Variants in UCHL1 observed in about 807,000 individuals in gnomAD.
UCHL1 encodes ubiquitin carboxyl-terminal hydrolase isozyme L1.
Under a neutral mutation model 33.3 loss-of-function variants are expected in UCHL1, and 5 were observed. The ratio of observed to expected loss-of-function variants is 0.15; its 90% CI spans 0.08 to 0.32. The LOEUF is 0.32. Ranked by LOEUF, UCHL1 falls within the 10% of genes least tolerant of loss-of-function variation. UCHL1 has a pLI of 1.00. For synonymous variants in UCHL1, 132 were observed against 108.8 expected (o/e 1.21, Z -1.33); for missense variants, 236 against 280.0 (o/e 0.84, Z 1.12).
rs978384625 is a variant in UCHL1, at chr4:41,267,919, C to G, written c.586-68C>G. The stretch of plus-strand genomic sequence containing the variant: ...CTTTGAGCATTAATAGACCTTGGAG[C>G]CTTTCCCTATGTGACTTTCATTTTG... On this transcript the variant is annotated intron_variant, in intron 8 of 8. Coordinates refer to ENST00000284440, the MANE Select transcript of UCHL1 (RefSeq NM_004181.5). The G allele has an allele frequency of 6.5e-6, 9 of 1,384,188 alleles. No homozygotes were observed. The African/African-American group carries it at 1.3e-4, about 20-fold the overall frequency. 85.7% of individuals were successfully genotyped at this position (1,384,188 alleles called of 1,614,324 possible). A position where few individuals can be genotyped will look rare whatever the true frequency, so the allele number is the denominator to read the frequency against.
rs201864413 is a variant in UCHL1 at position 41,256,992 on chromosome 4, A to G, written c.16A>G (p.Met6Val). 1.2e-6 allele frequency: 2 copies of G among 1,614,182 alleles called. No homozygotes were observed. The highest frequency in any genetic ancestry group is 2.2e-5 in the East Asian group (1 of 44,884). The change falls in exon 1 of 9, where the codon ATG becomes GTG. Residue 6 changes from methionine (M) to valine (V), a missense_variant. Coordinates refer to ENST00000284440, the MANE Select transcript of UCHL1 (RefSeq NM_004181.5). Reference protein sequence around the residue: MQLKPMEINPEMLNKV... With the variant: MQLKPVEINPEMLNKV... ...CTCCGCGAAGATGCAGCTCAAGCCG[A>G]TGGAGATCAACCCCGAGGTGAGCGC...
At chr4:41,261,224 TTTTC>T (rs1781063751) in intron 4 of UCHL1, among the ~76,000 whole-genome samples, 1 of 152,204 alleles carries the variant, frequency 6.6e-6, no homozygotes, top group Non-Finnish European at 1.5e-5. Context: ...TAAAGTTGAA[TTTTC>T]TACCCCATAA....
intron 8 of UCHL1, chr4:41,264,511 A>G (rs1163265105): frequency 7.9e-6 from 3 of 378,872 alleles, no homozygotes; most frequent in Non-Finnish European, 1.0e-5. Flanking sequence ...GCAGCCTTTC[A>G]TAATCCCTCT....
chr4:41,264,553 TA>T (rs898383584), intron 8 of UCHL1: 3 of 263,266 alleles, frequency 1.1e-5, no homozygotes, highest in African/African-American at 4.4e-5. Flanking sequence ...GTCTTGGAGG[TA>T]GTGTACTATA....
At chr4:41,260,546 A>C in intron 3 of UCHL1, 101 bp from the exon 4 acceptor site, 1 of 1,419,126 alleles carries the variant, frequency 7.0e-7, no homozygotes, top group Non-Finnish European at 9.8e-7. Flanking sequence ...TTCTGGTCAC[A>C]CATCCCACTG....
At chr4:41,263,494 TATC>T (rs1781106192) in intron 7 of UCHL1, among the ~76,000 whole-genome samples, 1 of 149,822 alleles carries the variant, frequency 6.7e-6, no homozygotes, top group Non-Finnish European at 1.5e-5. Context: ...CATCCCCTAG[TATC>T]ATCCTTTCTG....
In UCHL1 at chr4:41,264,086, T is replaced by C; in HGVS notation, c.527-17T>C. The C allele has an allele frequency of 6.2e-7, 1 of 1,614,254 alleles. No homozygotes were observed. The highest frequency in any genetic ancestry group is 1.1e-5 in the South Asian group (1 of 91,086). ...AACATGCAGAGAAAATTGACATGCC[T>C]GGCTTCTTTGTTACAGATGGACGAA... On this transcript the variant is annotated splice_polypyrimidine_tract_variant and intron_variant, in intron 7 of 8. Coordinates refer to ENST00000284440, the MANE Select transcript of UCHL1 (RefSeq NM_004181.5).
At chr4:41,262,049 A>G (rs141609433) in intron 6 of UCHL1, 126 bp downstream of exon 6, 323 of 1,332,624 alleles carry the variant, frequency 2.4e-4, no homozygotes, top group Non-Finnish European at 3.2e-4. Flanking sequence ...GACACCAGAA[A>G]GTTCTACCCA....
chr4:41,264,849 G>T (rs536286793), intron 8 of UCHL1, among the ~76,000 whole-genome samples: 1 of 152,276 alleles, frequency 6.6e-6, no homozygotes, highest in Admixed American at 6.5e-5. Flanking sequence ...CTGTGCTGAA[G>T]AAAAATATAC....
chr4:41,257,532 TC>T (rs1323794508), intron 2 of UCHL1, 76 bp from the exon 3 acceptor site: 2 of 1,393,766 alleles, frequency 1.4e-6, no homozygotes, highest in East Asian at 6.0e-5. Flanking sequence ...GGCGCGCGCC[TC>T]CTGGCCCCGC....
Position 41,260,639 on chromosome 4 carries a change from A to C in UCHL1, c.175-8A>C, listed in dbSNP as rs770737600. 24 of 1,614,226 alleles carry C rather than the reference A, an allele frequency of 1.5e-5. No individual in the cohort carries two copies. In the South Asian group the frequency reaches 2.6e-4, roughly 18 times the overall value. On this transcript the variant is annotated splice_region_variant and splice_polypyrimidine_tract_variant and intron_variant, in intron 3 of 8. Transcript: ENST00000284440. ...TCTGAGATGTAAAAACGCTTTTTAC[A>C]TTCGCAGCATGAGAACTTCAGGAAA...
intron 3 of UCHL1, among the ~76,000 whole-genome samples, chr4:41,260,247 A>G (rs1781049323): frequency 6.6e-6 from 1 of 152,226 alleles, no homozygotes; most frequent in African/African-American, 2.4e-5. Flanking sequence ...TTGGGCATTC[A>G]ATTGACTGAA....
In UCHL1 at chr4:41,268,272, T is replaced by C; in HGVS notation, c.*199T>C. On this transcript the variant is annotated 3_prime_UTR_variant, in exon 9 of 9. Coordinates refer to ENST00000284440, the MANE Select transcript of UCHL1 (RefSeq NM_004181.5). ...AGCTGTCCACTGGGCCATTGTGGTGTGAGCTTCAGATGGTGAAGCATTCTC... is the reference window on the plus strand; with the variant it reads ...AGCTGTCCACTGGGCCATTGTGGTGCGAGCTTCAGATGGTGAAGCATTCTC... The C allele has an allele frequency of 1.6e-6, 1 of 621,464 alleles. No individual in the cohort carries two copies. The highest frequency in any genetic ancestry group is 2.9e-6 in the Non-Finnish European group (1 of 347,082). 38.5% of individuals were successfully genotyped at this position (621,464 alleles called of 1,614,324 possible).
intron 6 of UCHL1, among the ~76,000 whole-genome samples, chr4:41,262,286 A>G (rs1580925778): frequency 6.6e-6 from 1 of 151,988 alleles, no homozygotes. Context: ...ACATAGTGAA[A>G]CCCCGTCCCT....
At chr4:41,266,422 A>C (rs1781155004) in intron 8 of UCHL1, among the ~76,000 whole-genome samples, 1 of 152,166 alleles carries the variant, frequency 6.6e-6, no homozygotes, top group Admixed American at 6.5e-5. Flanking sequence ...CACTTAACCC[A>C]AATATCTTAA....
intron 8 of UCHL1, among the ~76,000 whole-genome samples, chr4:41,265,188 A>G (rs896395080): frequency 6.6e-6 from 1 of 152,030 alleles, no homozygotes; most frequent in Admixed American, 6.6e-5. Context: ...TCCTTTAATG[A>G]CACAGTGAGG....
Position 41,261,883 on chromosome 4 carries a change from A to T in UCHL1, c.419A>T (p.Gln140Leu). The T allele has an allele frequency of 6.2e-7, 1 of 1,614,182 alleles. No individual in the cohort carries two copies. Among genetic ancestry groups the T allele is most frequent in the Non-Finnish European group, 8.5e-7 (1 of 1,180,028 alleles). The change falls in exon 6 of 9, where the codon CAG becomes CTG. Residue 140 changes from glutamine to leucine, a missense_variant. Physicochemically the swap from Gln to Leu is moderately radical, Grantham distance 113. Transcript: ENST00000284440. ...ATTTTCTTTTTTCCGCAGGCCATACAGGCAGCCCATGATGCCGTGGCACAG... is the reference window on the plus strand; with the variant it reads ...ATTTTCTTTTTTCCGCAGGCCATACTGGCAGCCCATGATGCCGTGGCACAG... ...AKCFEKNEAIQAAHDAVAQEG... is the reference protein window; with the variant it reads ...AKCFEKNEAILAAHDAVAQEG...
chr4:41,257,212 A>G, intron 2 of UCHL1, 86 bp downstream of exon 2: 4 of 1,602,782 alleles, frequency 2.5e-6, no homozygotes, highest in Non-Finnish European at 3.4e-6. Context: ...GCTGGCAGGG[A>G]CCAAGCCGCC....
At chr4:41,264,314 A>G (rs1452848863) in intron 8 of UCHL1, 153 bp downstream of exon 8, 14 of 921,408 alleles carry the variant, frequency 1.5e-5, no homozygotes, top group East Asian at 5.0e-5. Flanking sequence ...TAGTAACTCT[A>G]TCTACCTTAT....
Sources: allele counts gnomAD v4.1 joint callset (sites outside exome capture counted in the v4.1 genomes callset), GRCh38; gene constraint gnomAD v4.1.1; transcripts MANE v1.5; gene names NCBI Gene and HGNC (gene_info 2026-07-23, HGNC 2026-07-21).